Variants in FAM149A observed in about 807,000 individuals in gnomAD.
The protein encoded by FAM149A is protein FAM149A.
In FAM149A, 71 loss-of-function variants were observed where a neutral mutation model predicts 78.2. That is an observed-to-expected ratio of 0.91 (90% CI 0.75 to 1.11). FAM149A has a LOEUF of 1.11. Among genes scored for constraint, FAM149A ranks in the 50% least tolerant of loss-of-function variants. The pLI is 0.00. For synonymous variants in FAM149A, 446 were observed against 410.5 expected (o/e 1.09, Z -1.04); for missense variants, 1,036 against 971.0 (o/e 1.07, Z -0.89).
intron 1 of FAM149A, among the ~76,000 whole-genome samples, chr4:186,142,829 C>T (rs929112306): frequency 1.3e-5 from 2 of 152,180 alleles, no homozygotes; most frequent in Non-Finnish European, 2.9e-5. Context: ...GCAGAAGAAA[C>T]ACTCAACCTG....
chr4:186,112,180 T>C (rs1467548183), intron 1 of FAM149A, among the ~76,000 whole-genome samples: 1 of 149,416 alleles, frequency 6.7e-6, no homozygotes, highest in African/African-American at 2.5e-5. Flanking sequence ...AGTTCACTCA[T>C]GATTTGGCTC....
At chr4:186,147,512 C>G (rs1320136818) in intron 1 of FAM149A, among the ~76,000 whole-genome samples, 1 of 152,190 alleles carries the variant, frequency 6.6e-6, no homozygotes, top group Non-Finnish European at 1.5e-5. Context: ...GAAAAGTTAA[C>G]TTGCTTAAAG....
At chr4:186,133,746 C>G (rs1339573109) in intron 1 of FAM149A, among the ~76,000 whole-genome samples, 1 of 152,174 alleles carries the variant, frequency 6.6e-6, no homozygotes, top group Non-Finnish European at 1.5e-5. Flanking sequence ...ACCCTGACCT[C>G]CTGGGCTCAG....
Position 186,146,328 on chromosome 4 carries a change from C to G in FAM149A, c.567-2845C>G, listed in dbSNP as rs114453018. 219 of 253,094 alleles carry G rather than the reference C, an allele frequency of 8.7e-4. 2 individuals are homozygous for G. The highest frequency in any genetic ancestry group is 4.7e-3 in the African/African-American group (205 of 43,294). 15.7% of individuals were successfully genotyped at this position (253,094 alleles called of 1,614,324 possible). A position where few individuals can be genotyped will look rare whatever the true frequency, so the allele number is the denominator to read the frequency against. ...GGCATGGAGTAGGGGAGTTTTAAGG[C>G]ACCTAATTCGTAATAATTGGTGTGA... is the stretch of plus-strand genomic sequence containing the variant. On this transcript the variant is annotated intron_variant, in intron 1 of 13. Transcript: ENST00000389354.
intron 1 of FAM149A, 67 bp from the exon 2 acceptor site, chr4:186,149,106 A>G (rs1733272752): frequency 8.3e-7 from 1 of 1,203,672 alleles, no homozygotes; most frequent in Middle Eastern, 2.8e-4. Context: ...AGAAATTTTA[A>G]AAGTCTTAAT....
rs1734889543 is a variant in FAM149A, at chr4:186,164,767, A to G, written c.1890-577A>G. ...ATGTTTCCTACTGAGATACATTCAG[A>G]TGCCACTAACTGTACAAATCCCTCT... On this transcript the variant is annotated intron_variant, in intron 10 of 13. Coordinates refer to ENST00000389354, the MANE Select transcript of FAM149A (RefSeq NM_001367768.3). The surrounding 1 kb of genome is among the most constrained non-coding windows in gnomAD (Gnocchi z 4.0). 6.6e-6 allele frequency among the ~76,000 whole-genome samples: 1 copy of G among 152,090 alleles called. No individual in the cohort carries two copies.
chr4:186,160,712 CCACA>C lies in FAM149A; in HGVS notation c.1576-2125_1576-2122del, dbSNP rs200146659. 2.3e-5 allele frequency: 19 copies of C among 822,082 alleles called. No individual in the cohort carries two copies. The Admixed American group carries it at 2.6e-4, about 11-fold the overall frequency. 50.9% of individuals were successfully genotyped at this position (822,082 alleles called of 1,614,324 possible). The stretch of plus-strand genomic sequence containing the variant: ...CACATACCACACACACTACCACACA[CCACA>C]CACACACCTCACCACACCCCACACA... On this transcript the variant is annotated intron_variant, in intron 8 of 13. Coordinates refer to ENST00000389354, the MANE Select transcript of FAM149A (RefSeq NM_001367768.3).
At chr4:186,151,664 C>G (rs564444039) in intron 3 of FAM149A, 2 of 941,434 alleles carry the variant, frequency 2.1e-6, no homozygotes, top group African/African-American at 3.6e-5. Flanking sequence ...CTCATAACTT[C>G]CGTGGCAGAA....
In FAM149A at chr4:186,105,516, C is replaced by T. The variant is rs1478204578; in HGVS notation, c.440C>T (p.Pro147Leu). The T allele has an allele frequency of 1.7e-6, 2 of 1,162,954 alleles. No homozygotes were observed. Among genetic ancestry groups the T allele is most frequent in the East Asian group, 9.8e-5 (1 of 10,160 alleles). The allele number at this position is 1,162,954 out of a possible 1,614,324, so 72.0% of individuals were successfully genotyped here. A position where few individuals can be genotyped will look rare whatever the true frequency, so the allele number is the denominator to read the frequency against. Residue 147 changes from proline to leucine, a missense_variant, in exon 1 of 14, where the codon CCT becomes CTT. Pro to Leu is a moderately conservative substitution (Grantham distance 98). Coordinates refer to ENST00000389354, the MANE Select transcript of FAM149A (RefSeq NM_001367768.3). ...GCGCTCCCCAGGAACCCGCTCCAGC[C>T]TGGCCCCGGAGAGCGAGAGCTCGGC...
rs1037417096 is a variant in FAM149A, at chr4:186,104,710, G to C, written c.-367G>C. Among the ~76,000 whole-genome samples the C allele has an allele frequency of 6.7e-6, 1 of 149,738 alleles. No homozygotes were observed. ...CCGCACCTGGGGCCCAATTAGCCTGGAGCGCGGCCGGGTGTGTTGAACGTA... is the reference window on the plus strand; with the variant it reads ...CCGCACCTGGGGCCCAATTAGCCTGCAGCGCGGCCGGGTGTGTTGAACGTA... On this transcript the variant is annotated 5_prime_UTR_variant, in exon 1 of 14. Coordinates refer to ENST00000389354, the MANE Select transcript of FAM149A (RefSeq NM_001367768.3).
chr4:186,127,017 C>G (rs117284998), intron 1 of FAM149A: 7 of 985,180 alleles, frequency 7.1e-6, no homozygotes, highest in Non-Finnish European at 8.4e-6. Context: ...GTAGAGCTGT[C>G]GCGTATGCCA....
chr4:186,156,921 A>AGCTATGATCGTGCCACT (rs148148966), intron 7 of FAM149A, among the ~76,000 whole-genome samples: 2 of 151,824 alleles, frequency 1.3e-5, no homozygotes, highest in East Asian at 1.9e-4. Context: ...ATTGAAAGTG[A>AGCTATGATCGTGCCACT]GCACTCCATC....
At position 186,104,823 on chromosome 4, in the gene FAM149A, G is replaced by A. The variant is rs2099308120; in HGVS notation, c.-254G>A. ...GGGGCTCCTGGCCCTTCGGCCCTCG[G>A]GGGTCTCACGGCGCTGGGACGAGGC... On this transcript the variant is annotated 5_prime_UTR_variant, in exon 1 of 14. Transcript: ENST00000389354. 2.3e-6 allele frequency: 1 copy of A among 428,030 alleles called. No individual in the cohort carries two copies. Among genetic ancestry groups the A allele is most frequent in the African/African-American group, 2.2e-5 (1 of 46,260 alleles). The allele number at this position is 428,030 out of a possible 1,614,324, so 26.5% of individuals were successfully genotyped here.
At chr4:186,119,074 A>G (rs1392525034) in intron 1 of FAM149A, among the ~76,000 whole-genome samples, 1 of 152,068 alleles carries the variant, frequency 6.6e-6, no homozygotes, top group African/African-American at 2.4e-5. Context: ...TACAGGGGAC[A>G]CTCTTCCCTC....
intron 8 of FAM149A, 164 bp downstream of exon 8, chr4:186,157,883 TCA>T: frequency 6.5e-7 from 1 of 1,537,804 alleles, no homozygotes; most frequent in Non-Finnish European, 8.7e-7. Context: ...AGGGAAACCT[TCA>T]CAGTGTCACA....
Position 186,104,783 on chromosome 4 carries a change from G to T in FAM149A, c.-294G>T, listed in dbSNP as rs1376115623. Among the ~76,000 whole-genome samples, 5 of 151,490 alleles carry T rather than the reference G, an allele frequency of 3.3e-5. No individual in the cohort carries two copies. Among genetic ancestry groups the T allele is most frequent in the Admixed American group, 1.3e-4 (2 of 15,244 alleles). On this transcript the variant is annotated 5_prime_UTR_variant, in exon 1 of 14. Transcript: ENST00000389354. ...GGGCGGCGGGCGTCTGGGGCGGGCG[G>T]CGGCCGCGCTTCCCGGGGCTCCTGG...
At chr4:186,120,515 C>T (rs948486249) in intron 1 of FAM149A, among the ~76,000 whole-genome samples, 10 of 151,860 alleles carry the variant, frequency 6.6e-5, no homozygotes, top group Non-Finnish European at 1.0e-4. Context: ...TTAGTAAGAC[C>T]GGGCGCGGTG....
intron 1 of FAM149A, among the ~76,000 whole-genome samples, chr4:186,111,904 T>C (rs938429788): frequency 6.6e-6 from 1 of 151,824 alleles, no homozygotes; most frequent in Non-Finnish European, 1.5e-5. Context: ...CATATGAACT[T>C]TAAAGTAGTT....
At chr4:186,134,757 G>A (rs2099322043) in intron 1 of FAM149A, among the ~76,000 whole-genome samples, 1 of 152,110 alleles carries the variant, frequency 6.6e-6, no homozygotes. Context: ...GCAGGAATCT[G>A]GATTCTGGTC....
Sources: gnomAD v4.1 joint callset for allele counts (sites outside exome capture counted in the v4.1 genomes callset) on GRCh38, gnomAD v4.1.1 for gene constraint, Gnocchi (gnomAD v3.1) non-coding constraint, MANE v1.5 for transcripts, NCBI Gene and HGNC (gene_info 2026-07-23, HGNC 2026-07-21) for gene names.